Variants in ADCY8 observed in about 807,000 individuals in gnomAD.
ADCY8 encodes the protein adenylate cyclase 8, also known as adenylate cyclase type 8.
ADCY8 carries 51 observed loss-of-function variants against 119.7 expected under a neutral mutation model. The observed-to-expected ratio is 0.43, with a 90% CI of 0.34 to 0.54. The LOEUF is 0.54. Ranked by LOEUF, ADCY8 falls within the 20% of genes least tolerant of loss-of-function variation. ADCY8 has a pLI of 0.03. For synonymous variants in ADCY8, 665 were observed against 651.0 expected (o/e 1.02, Z -0.33); for missense variants, 1,383 against 1,598.8 (o/e 0.87, Z 2.30).
chr8:130,890,020 C>G (rs1819127953), intron 7 of ADCY8, among the ~76,000 whole-genome samples: 2 of 152,020 alleles, frequency 1.3e-5, no homozygotes, highest in South Asian at 4.2e-4. Context: ...TCCTTGAGGC[C>G]AGGCACTGTG....
At position 131,040,493 on chromosome 8, in the gene ADCY8, G is replaced by C. The variant is rs1824357831; in HGVS notation, c.-160C>G. The C allele has an allele frequency of 1.1e-6, 1 of 871,614 alleles. No homozygotes were observed. Among genetic ancestry groups the C allele is most frequent in the Non-Finnish European group, 1.6e-6 (1 of 637,890 alleles). The allele number at this position is 871,614 out of a possible 1,614,324, so 54.0% of individuals were successfully genotyped here. On this transcript the variant is annotated 5_prime_UTR_variant, in exon 1 of 18. Transcript: ENST00000286355. ...CCTGCGCTAGGGCTCCCTGTAGGTCGGGTCATACTGTGCCCAGGGGCAAAG... is the reference window on the plus strand; with the variant it reads ...CCTGCGCTAGGGCTCCCTGTAGGTCCGGTCATACTGTGCCCAGGGGCAAAG...
chr8:130,849,698 C>T lies in ADCY8; in HGVS notation c.2316G>A (p.Arg772=), dbSNP rs1433146085. The T allele has an allele frequency of 1.9e-6, 3 of 1,613,968 alleles. No homozygotes were observed. The highest frequency in any genetic ancestry group is 1.7e-6 in the Non-Finnish European group (2 of 1,179,922). ...TCTCATTAATCCAACAGCAAGTTTT[C>T]CGGAGGATGAGGGGCAAACATTTAT... The part of the protein sequence containing the change: ...EDYKCLPLIL[R]KTCCWINETY... Residue 772 remains arginine (R), a synonymous_variant, in exon 10 of 18, where the codon CGG becomes CGA. Coordinates refer to ENST00000286355, the MANE Select transcript of ADCY8 (RefSeq NM_001115.3).
rs1348724476 is a variant in ADCY8, at chr8:131,040,274, C to T, written c.60G>A (p.Pro20=). Residue 20 remains proline, a synonymous_variant, in exon 1 of 18, where the codon CCG becomes CCA. Coordinates refer to ENST00000286355, the MANE Select transcript of ADCY8 (RefSeq NM_001115.3). The part of the protein sequence containing the change: ...TGSEELYTIH[P]TPPAGDGRSA... ...TCCTGCCGTCGCCGGCCGGGGGCGT[C>T]GGGTGGATGGTGTAGAGTTCCTCGC... The T allele has an allele frequency of 1.3e-6, 2 of 1,565,894 alleles. No individual in the cohort carries two copies. The highest frequency in any genetic ancestry group is 1.7e-6 in the Non-Finnish European group (2 of 1,162,402).
chr8:130,950,486 G>A (rs937831466), intron 3 of ADCY8, among the ~76,000 whole-genome samples: 3 of 152,168 alleles, frequency 2.0e-5, no homozygotes, highest in Non-Finnish European at 1.5e-5. Context: ...GCTGTGTCAG[G>A]GTTTGGGGGC....
In ADCY8 at chr8:130,884,784, C is replaced by A. The variant is rs369895545; in HGVS notation, c.1912-23G>T. The A allele has an allele frequency of 2.1e-4, 334 of 1,606,476 alleles. 1 individual carries two copies. Among genetic ancestry groups the A allele is most frequent in the Non-Finnish European group, 2.8e-4 (323 of 1,173,250 alleles). On this transcript the variant is annotated intron_variant, in intron 7 of 17. Coordinates refer to ENST00000286355, the MANE Select transcript of ADCY8 (RefSeq NM_001115.3). ...AGTCTAGGGGGAAAGCACATGCAAA[C>A]ACAATAAACCTGCTAGTCCCCTTTA... is the stretch of plus-strand genomic sequence containing the variant.
At chr8:130,961,627 A>C (rs1194676390) in intron 2 of ADCY8, among the ~76,000 whole-genome samples, 1 of 152,078 alleles carries the variant, frequency 6.6e-6, no homozygotes, top group Middle Eastern at 3.2e-3. Context: ...CCCTTCTTGT[A>C]ATGCTCATCA....
intron 12 of ADCY8, among the ~76,000 whole-genome samples, chr8:130,835,481 T>C (rs1368503102): frequency 6.6e-6 from 1 of 152,210 alleles, no homozygotes; most frequent in African/African-American, 2.4e-5. Flanking sequence ...TGCATTCGCC[T>C]CTCATCCTTT....
At chr8:130,918,994 T>C (rs1303586444) in intron 5 of ADCY8, among the ~76,000 whole-genome samples, 1 of 151,744 alleles carries the variant, frequency 6.6e-6, no homozygotes, top group Non-Finnish European at 1.5e-5. Flanking sequence ...ACCCGGGAGG[T>C]GAAGGTTGCA....
chr8:130,783,633 G>T, intron 17 of ADCY8, 58 bp downstream of exon 17: 1 of 1,238,354 alleles, frequency 8.1e-7, no homozygotes, highest in Non-Finnish European at 1.2e-6. Context: ...GGCAGGGGAG[G>T]GTCTGTTGGA....
chr8:130,979,531 G>C (rs115513394), intron 2 of ADCY8, among the ~76,000 whole-genome samples: 3 of 152,160 alleles, frequency 2.0e-5, no homozygotes, highest in Admixed American at 6.5e-5. Flanking sequence ...GGAGGGCTAG[G>C]GCCCTCCCAG....
intron 1 of ADCY8, among the ~76,000 whole-genome samples, chr8:131,004,522 A>G (rs1193039928): frequency 3.3e-5 from 5 of 152,168 alleles, no homozygotes; most frequent in Admixed American, 1.3e-4. Context: ...ATAGGCATCT[A>G]CTATTGCCCT....
At chr8:130,788,396 C>T (rs1184683171) in intron 15 of ADCY8, among the ~76,000 whole-genome samples, 1 of 152,044 alleles carries the variant, frequency 6.6e-6, no homozygotes, top group Non-Finnish European at 1.5e-5. Flanking sequence ...CACAGAAAGA[C>T]AAATGTCATA....
chr8:130,831,887 A>G (rs545968703), intron 12 of ADCY8, among the ~76,000 whole-genome samples: 1 of 152,326 alleles, frequency 6.6e-6, no homozygotes, highest in East Asian at 1.9e-4. Context: ...CTAATAACAA[A>G]CATTAGCACA....
At chr8:130,931,036 G>T (rs1820615184) in intron 5 of ADCY8, among the ~76,000 whole-genome samples, 1 of 152,118 alleles carries the variant, frequency 6.6e-6, no homozygotes, top group African/African-American at 2.4e-5. Flanking sequence ...TTACCAGTGA[G>T]TTGTACTTTC....
intron 4 of ADCY8, among the ~76,000 whole-genome samples, chr8:130,941,181 G>A (rs1443175049): frequency 6.6e-6 from 1 of 152,192 alleles, no homozygotes; most frequent in Non-Finnish European, 1.5e-5. Context: ...AAATGAAACT[G>A]TAGATAAGGT....
chr8:130,972,730 A>C (rs1279072955), intron 2 of ADCY8, among the ~76,000 whole-genome samples: 2 of 152,126 alleles, frequency 1.3e-5, no homozygotes. Context: ...AGCCCAACAC[A>C]TTTGCCACCC....
At chr8:130,952,841 C>G (rs1019565787) in intron 2 of ADCY8, among the ~76,000 whole-genome samples, 1 of 152,004 alleles carries the variant, frequency 6.6e-6, no homozygotes, top group Non-Finnish European at 1.5e-5. Context: ...CTAGTTTTGA[C>G]TTTAGTTGCC....
intron 14 of ADCY8, among the ~76,000 whole-genome samples, chr8:130,812,095 T>C (rs529051964): frequency 6.6e-6 from 1 of 152,326 alleles, no homozygotes; most frequent in Non-Finnish European, 1.5e-5. Context: ...CCATCTCCAC[T>C]GCCACCATCC....
At chr8:130,897,400 TC>T (rs1306036187) in intron 7 of ADCY8, among the ~76,000 whole-genome samples, 3 of 152,074 alleles carry the variant, frequency 2.0e-5, no homozygotes, top group African/African-American at 7.2e-5. Flanking sequence ...CATTTCCTTT[TC>T]TTCTGGTATC....
Sources: allele counts gnomAD v4.1 joint callset (sites outside exome capture counted in the v4.1 genomes callset), GRCh38; gene constraint gnomAD v4.1.1; transcripts MANE v1.5; gene names NCBI Gene and HGNC (gene_info 2026-07-23, HGNC 2026-07-21).